The following PPP3CB variants were observed in gnomAD, a reference collection of about 807,000 sequenced individuals.
The protein encoded by PPP3CB is serine/threonine-protein phosphatase 2B catalytic subunit beta isoform.
PPP3CB carries 8 observed loss-of-function variants against 66.4 expected under a neutral mutation model. The observed-to-expected ratio is 0.12, with a 90% CI of 0.07 to 0.22. The LOEUF is 0.22. Among genes scored for constraint, PPP3CB ranks in the 10% least tolerant of loss-of-function variants. The pLI is 1.00. For synonymous variants in PPP3CB, 208 were observed against 221.2 expected, an observed-to-expected ratio of 0.94 and a Z score of 0.53; for missense variants, 319 against 642.5, an observed-to-expected ratio of 0.50 and a Z score of 5.44.
chr10:73,438,999 C>G (rs2056107090), intron 13 of PPP3CB, among the ~76,000 whole-genome samples: 1 of 152,170 alleles, frequency 6.6e-6, no homozygotes, highest in African/African-American at 2.4e-5. Context: ...AGAGTTAGAT[C>G]TGTGTATGGC....
At chr10:73,453,325 CA>C (rs539627481) in intron 10 of PPP3CB, among the ~76,000 whole-genome samples, 34 of 150,748 alleles carry the variant, frequency 2.3e-4, no homozygotes, top group African/African-American at 8.5e-4. Flanking sequence ...AGCTATTATA[CA>C]AATATGTTTA....
intron 3 of PPP3CB, among the ~76,000 whole-genome samples, chr10:73,476,357 C>A (rs1358778290): frequency 6.6e-6 from 1 of 152,170 alleles, no homozygotes; most frequent in East Asian, 1.9e-4. Flanking sequence ...TGGCTCACGC[C>A]TGTAATCCCA....
chr10:73,484,330 C>T (rs1054001811), intron 1 of PPP3CB, among the ~76,000 whole-genome samples: 3 of 151,626 alleles, frequency 2.0e-5, no homozygotes, highest in Non-Finnish European at 4.4e-5. Context: ...AGTGCAGTGG[C>T]GCAATCTCTG....
intron 12 of PPP3CB, 74 bp from the exon 13 acceptor site, chr10:73,439,975 G>T: frequency 1.4e-6 from 2 of 1,420,798 alleles, no homozygotes; most frequent in Non-Finnish European, 2.0e-6. Context: ...AGCAGAAAAG[G>T]CAATGATCAC....
intron 10 of PPP3CB, among the ~76,000 whole-genome samples, chr10:73,451,919 G>T (rs1564551173): frequency 6.6e-6 from 1 of 151,568 alleles, no homozygotes; most frequent in Non-Finnish European, 1.5e-5. Flanking sequence ...CTAATTTTTT[G>T]TATTTTTGGT....
chr10:73,441,374 G>C (rs755119979), intron 12 of PPP3CB, among the ~76,000 whole-genome samples: 1 of 152,156 alleles, frequency 6.6e-6, no homozygotes, highest in Non-Finnish European at 1.5e-5. Flanking sequence ...TGGCTGAGGT[G>C]GAAGGATCCC....
chr10:73,444,764 T>C lies in PPP3CB; in HGVS notation c.1327A>G (p.Ser443Gly). 2 of 1,614,004 alleles carry C rather than the reference T, an allele frequency of 1.2e-6. No homozygotes were observed. The highest frequency in any genetic ancestry group is 1.3e-5 in the African/African-American group (1 of 75,042). ...TGCCGTCCTCCAGCTAACACTCCAC[T>C]AGGCAACATCCCTGTGGGAGTCAGG... is the stretch of plus-strand genomic sequence containing the variant. ...KGLTPTGMLP[S>G]GVLAGGRQTL... The change falls in exon 12 of 14, where the codon AGT becomes GGT. Residue 443 changes from serine (S) to glycine (G), a missense_variant. Around this residue, in one of 5 missense-constraint regions of PPP3CB, gnomAD observed 120 missense variants for 331.2 expected, o/e 0.36. Transcript: ENST00000360663.
At chr10:73,454,118 A>G (rs1381604000) in intron 10 of PPP3CB, among the ~76,000 whole-genome samples, 3 of 152,176 alleles carry the variant, frequency 2.0e-5, no homozygotes, top group Admixed American at 6.5e-5. Flanking sequence ...ACCAGTGTCC[A>G]TATTTGCCAA....
At chr10:73,485,676 G>A (rs1357039597) in intron 1 of PPP3CB, among the ~76,000 whole-genome samples, 2 of 151,680 alleles carry the variant, frequency 1.3e-5, no homozygotes, top group Admixed American at 1.3e-4. Flanking sequence ...CCTTTTCATT[G>A]AGGCCTTCAG....
At chr10:73,493,383 C>G (rs1456991277) in intron 1 of PPP3CB, among the ~76,000 whole-genome samples, 2 of 152,084 alleles carry the variant, frequency 1.3e-5, no homozygotes, top group Non-Finnish European at 2.9e-5. Flanking sequence ...AAAACTACCA[C>G]CACATTGTGG....
intron 1 of PPP3CB, among the ~76,000 whole-genome samples, chr10:73,481,330 G>C (rs950759388): frequency 2.0e-5 from 3 of 151,212 alleles, no homozygotes; most frequent in Admixed American, 2.0e-4. Flanking sequence ...AAATTAGCTG[G>C]GTGTGGTGGT....
chr10:73,446,397 G>T, intron 11 of PPP3CB, 95 bp downstream of exon 11: 2 of 1,165,716 alleles, frequency 1.7e-6, no homozygotes, highest in Non-Finnish European at 1.3e-6. Context: ...ACCATACCCG[G>T]CCCCATTTTG....
intron 12 of PPP3CB, among the ~76,000 whole-genome samples, chr10:73,441,337 C>A (rs1340747156): frequency 6.6e-6 from 1 of 152,114 alleles, no homozygotes; most frequent in African/African-American, 2.4e-5. Flanking sequence ...CATGGAAGAT[C>A]ATGCCTATAA....
At chr10:73,468,068 G>A (rs1404966028) in intron 8 of PPP3CB, among the ~76,000 whole-genome samples, 1 of 152,132 alleles carries the variant, frequency 6.6e-6, no homozygotes, top group Non-Finnish European at 1.5e-5. Flanking sequence ...CAAACAAATT[G>A]AGAATTTAAG....
At chr10:73,455,985 C>G (rs1271239921) in intron 9 of PPP3CB, among the ~76,000 whole-genome samples, 1 of 152,134 alleles carries the variant, frequency 6.6e-6, no homozygotes, top group East Asian at 1.9e-4. Context: ...GGCACTGTGC[C>G]CTGGCACATG....
intron 9 of PPP3CB, among the ~76,000 whole-genome samples, chr10:73,465,134 T>A (rs1447547171): frequency 4.6e-5 from 7 of 152,110 alleles, no homozygotes. Context: ...TATGATTTGA[T>A]AATTGTTGAA....
At chr10:73,450,049 T>G (rs1462442908) in intron 10 of PPP3CB, among the ~76,000 whole-genome samples, 1 of 152,128 alleles carries the variant, frequency 6.6e-6, no homozygotes, top group African/African-American at 2.4e-5. Context: ...CCACCCGCCT[T>G]AGCCTCCCAA....
At chr10:73,461,512 C>T (rs1204838486) in intron 9 of PPP3CB, among the ~76,000 whole-genome samples, 1 of 152,040 alleles carries the variant, frequency 6.6e-6, no homozygotes, top group Non-Finnish European at 1.5e-5. Context: ...GTGTCTGAAC[C>T]CCTTTTCTTT....
intron 1 of PPP3CB, among the ~76,000 whole-genome samples, chr10:73,494,084 T>G (rs2057125729): frequency 6.6e-6 from 1 of 151,860 alleles, no homozygotes; most frequent in African/African-American, 2.4e-5. Flanking sequence ...AGTCAGAAAA[T>G]GAAGAGGTAG....
Sources: gnomAD v4.1 joint callset for allele counts (sites outside exome capture counted in the v4.1 genomes callset) on GRCh38, gnomAD v4.1.1 for gene constraint, gnomAD v4.1.1 regional missense constraint, MANE v1.5 for transcripts, NCBI Gene and HGNC (gene_info 2026-07-23, HGNC 2026-07-21) for gene names.